SNCAIP: variants seen among roughly 807,000 people sequenced by gnomAD.
SNCAIP encodes synuclein alpha interacting protein, also known as synphilin-1.
A neutral mutation model predicts 86.7 loss-of-function variants in SNCAIP; 43 were observed. The observed-to-expected ratio is 0.50, with a 90% confidence interval of 0.39 to 0.64. The LOEUF is 0.64. Among genes scored for constraint, SNCAIP ranks in the 30% least tolerant of loss-of-function variants. SNCAIP has a pLI of 0.00. For synonymous variants in SNCAIP, 417 were observed against 427.2 expected, an observed-to-expected ratio of 0.98 and a Z score of 0.29; for missense variants, 981 against 1,103.1, an observed-to-expected ratio of 0.89 and a Z score of 1.57.
chr5:122,444,005 A>G (rs1781713981), intron 7 of SNCAIP: 1 of 452,966 alleles, frequency 2.2e-6, no homozygotes, highest in Non-Finnish European at 4.4e-6. Flanking sequence ...ATCCACAGAC[A>G]TGTCCTCACC....
At chr5:122,442,112 C>CTTTTTTTTTT (rs10688988) in intron 7 of SNCAIP, among the ~76,000 whole-genome samples, 4 of 65,720 alleles carry the variant, frequency 6.1e-5, no homozygotes, top group African/African-American at 1.2e-4. Context: ...AAGCAGTACT[C>CTTTTTTTTTT]TTTTTTTTTT....
At chr5:122,366,234 G>T (rs1008795728) in intron 1 of SNCAIP, among the ~76,000 whole-genome samples, 1 of 152,164 alleles carries the variant, frequency 6.6e-6, no homozygotes, top group Non-Finnish European at 1.5e-5. Flanking sequence ...AAAGGGAAAA[G>T]GTCTATTACC....
intron 1 of SNCAIP, among the ~76,000 whole-genome samples, chr5:122,332,110 T>C (rs1423211118): frequency 6.6e-6 from 1 of 152,228 alleles, no homozygotes; most frequent in Non-Finnish European, 1.5e-5. Context: ...GATGCAAAGA[T>C]GCATCAATAG....
chr5:122,327,478 G>A (rs1217997735), intron 1 of SNCAIP, among the ~76,000 whole-genome samples: 102 of 152,054 alleles, frequency 6.7e-4, no homozygotes, highest in South Asian at 2.1e-4. Flanking sequence ...GAGGGACCTG[G>A]TAGGAGGTGA....
intron 1 of SNCAIP, among the ~76,000 whole-genome samples, chr5:122,355,211 C>T (rs1561567875): frequency 6.6e-6 from 1 of 152,162 alleles, no homozygotes; most frequent in Non-Finnish European, 1.5e-5. Context: ...AACAATGTTT[C>T]AGAGGATATA....
chr5:122,370,604 C>A (rs548399867), intron 1 of SNCAIP, among the ~76,000 whole-genome samples: 1 of 152,240 alleles, frequency 6.6e-6, no homozygotes, highest in South Asian at 2.1e-4. Context: ...TAGTTATCAA[C>A]AGAAAGTATT....
intron 1 of SNCAIP, among the ~76,000 whole-genome samples, chr5:122,360,049 C>A (rs1761901040): frequency 6.6e-6 from 1 of 152,174 alleles, no homozygotes; most frequent in Admixed American, 6.5e-5. Flanking sequence ...TGATTATCAG[C>A]ACTTGTGGTA....
At chr5:122,460,992 C>G (rs972393195) in intron 10 of SNCAIP, among the ~76,000 whole-genome samples, 1 of 152,148 alleles carries the variant, frequency 6.6e-6, no homozygotes, top group Non-Finnish European at 1.5e-5. Context: ...CTGAACCTGT[C>G]TTTTCCTTTC....
chr5:122,343,670 G>A (rs1375519821), intron 1 of SNCAIP, among the ~76,000 whole-genome samples: 1 of 152,148 alleles, frequency 6.6e-6, no homozygotes, highest in South Asian at 2.1e-4. Context: ...TCTTGACCTC[G>A]GTCCTACTGA....
At chr5:122,375,607 A>T (rs1029876818) in intron 1 of SNCAIP, among the ~76,000 whole-genome samples, 8 of 152,028 alleles carry the variant, frequency 5.3e-5, no homozygotes. Context: ...ACTGGACCTC[A>T]TTAACAGAAG....
chr5:122,391,611 A>T (rs1014009032), intron 2 of SNCAIP, among the ~76,000 whole-genome samples: 1 of 152,230 alleles, frequency 6.6e-6, no homozygotes, highest in African/African-American at 2.4e-5. Flanking sequence ...ATTGATGAAC[A>T]ATAAAAAGAA....
chr5:122,451,702 A>AG (rs1014378617), intron 10 of SNCAIP, 101 bp downstream of exon 10: 40 of 891,576 alleles, frequency 4.5e-5, no homozygotes, highest in Non-Finnish European at 6.4e-5. Flanking sequence ...GGGAATCCCC[A>AG]GGAAAAAAAA....
intron 10 of SNCAIP, among the ~76,000 whole-genome samples, chr5:122,453,495 A>T (rs576089111): frequency 6.6e-6 from 1 of 152,226 alleles, no homozygotes; most frequent in Admixed American, 6.5e-5. Context: ...TAGCATTATG[A>T]ACACGATTTC....
chr5:122,319,909 G>C (rs1752578926), intron 1 of SNCAIP, among the ~76,000 whole-genome samples: 1 of 152,230 alleles, frequency 6.6e-6, no homozygotes, highest in African/African-American at 2.4e-5. Flanking sequence ...AAAGTACTGA[G>C]AATAGAATTA....
intron 4 of SNCAIP, 150 bp downstream of exon 4, chr5:122,423,889 A>G: frequency 1.5e-6 from 1 of 674,594 alleles, no homozygotes; most frequent in South Asian, 2.0e-5. Context: ...TGACCTTTTG[A>G]GTTTTAAAAT....
At chr5:122,390,968 T>C (rs920878460) in intron 1 of SNCAIP, 121 bp from the exon 2 acceptor site, 1 of 639,758 alleles carries the variant, frequency 1.6e-6, no homozygotes, top group Non-Finnish European at 2.8e-6. Flanking sequence ...GGAAATGTGC[T>C]CCAAGGCAAC....
intron 6 of SNCAIP, among the ~76,000 whole-genome samples, chr5:122,436,181 T>C (rs1779420629): frequency 6.6e-6 from 1 of 151,910 alleles, no homozygotes; most frequent in Non-Finnish European, 1.5e-5. Context: ...ACTAGTTCAA[T>C]GGGTTAGATA....
chr5:122,343,451 G>A (rs1446547473), intron 1 of SNCAIP, among the ~76,000 whole-genome samples: 1 of 152,124 alleles, frequency 6.6e-6, no homozygotes, highest in African/African-American at 2.4e-5. Context: ...AACAACATCA[G>A]TATGCCTTTT....
At chr5:122,358,005 A>G (rs1377983756) in intron 1 of SNCAIP, among the ~76,000 whole-genome samples, 1 of 152,148 alleles carries the variant, frequency 6.6e-6, no homozygotes, top group Non-Finnish European at 1.5e-5. Flanking sequence ...TGCTCAGTAA[A>G]TAAGAGTGGA....
Sources: gnomAD v4.1 joint callset for allele counts (sites outside exome capture counted in the v4.1 genomes callset) on GRCh38, gnomAD v4.1.1 for gene constraint, MANE v1.5 for transcripts, NCBI Gene and HGNC (gene_info 2026-07-23, HGNC 2026-07-21) for gene names.